SDHAF3: variants seen among roughly 807,000 people sequenced by gnomAD.
SDHAF3 encodes the protein succinate dehydrogenase complex assembly factor 3.
A neutral mutation model predicts 11.5 loss-of-function variants in SDHAF3; 18 were observed. The ratio of observed to expected loss-of-function variants is 1.56; its 90% CI spans 1.08 to 2.32. The LOEUF is 2.32. Among genes scored for constraint, SDHAF3 ranks in the 30% most tolerant of loss-of-function variants. SDHAF3 has a pLI of 0.00. For synonymous variants in SDHAF3, 72 were observed against 59.3 expected (o/e 1.21, Z -0.99); for missense variants, 200 against 154.4 (o/e 1.30, Z -1.57).
At chr7:97,165,800 C>T (rs1029479592) in intron 1 of SDHAF3, among the ~76,000 whole-genome samples, 1 of 152,158 alleles carries the variant, frequency 6.6e-6, no homozygotes, top group African/African-American at 2.4e-5. Flanking sequence ...CAGGTTTTAG[C>T]TGGTCAGTAC....
intron 1 of SDHAF3, among the ~76,000 whole-genome samples, chr7:97,149,031 G>A (rs529483880): frequency 6.6e-6 from 1 of 151,612 alleles, no homozygotes; most frequent in Non-Finnish European, 1.5e-5. Flanking sequence ...CCAGGCCAAA[G>A]TGATCCTCCC....
chr7:97,137,042 T>G (rs975017477), intron 1 of SDHAF3, among the ~76,000 whole-genome samples: 5 of 152,206 alleles, frequency 3.3e-5, no homozygotes, highest in Admixed American at 6.5e-5. Flanking sequence ...TTTTTGGTTG[T>G]TTGTTTTTCA....
rs117910751 is a variant in SDHAF3, at chr7:97,169,664, A to G, written c.175-11348A>G. On this transcript the variant is annotated intron_variant, in intron 1 of 1. Transcript: ENST00000432641. ...AATATAGAATTAACCTGCATTACAGATGAACAGGTAGTTAAAAATCTATTG... is the reference window on the plus strand; with the variant it reads ...AATATAGAATTAACCTGCATTACAGGTGAACAGGTAGTTAAAAATCTATTG... 4.8e-3 allele frequency among the ~76,000 whole-genome samples: 730 copies of G among 152,264 alleles called. 3 individuals are homozygous for G. Among genetic ancestry groups the G allele is most frequent in the Non-Finnish European group, 7.4e-3 (504 of 68,000 alleles).
At chr7:97,117,931 T>C (rs1791432806) in intron 1 of SDHAF3, 34 bp downstream of exon 1, 1 of 1,605,910 alleles carries the variant, frequency 6.2e-7, no homozygotes. Context: ...GCCCAAGACC[T>C]TTGGGGTTCC....
intron 1 of SDHAF3, among the ~76,000 whole-genome samples, chr7:97,180,198 T>C (rs1269923935): frequency 6.6e-6 from 1 of 152,198 alleles, no homozygotes; most frequent in African/African-American, 2.4e-5. Flanking sequence ...TTAAGAAGTT[T>C]TTCTCTAGTA....
intron 1 of SDHAF3, among the ~76,000 whole-genome samples, chr7:97,156,772 TAA>T (rs944834076): frequency 1.4e-5 from 2 of 147,330 alleles, no homozygotes; most frequent in East Asian, 2.0e-4. Flanking sequence ...TAAATATTAA[TAA>T]AAAAAATTTC....
intron 1 of SDHAF3, among the ~76,000 whole-genome samples, chr7:97,157,624 C>T (rs1232746856): frequency 1.3e-5 from 2 of 152,080 alleles, no homozygotes; most frequent in African/African-American, 4.8e-5. Flanking sequence ...TGGGTATATA[C>T]CCAAAGGATT....
intron 1 of SDHAF3, among the ~76,000 whole-genome samples, chr7:97,132,098 A>G (rs1295230594): frequency 6.6e-6 from 1 of 152,146 alleles, no homozygotes; most frequent in Non-Finnish European, 1.5e-5. Context: ...AATTATAAGA[A>G]AGTTATTAAG....
intron 1 of SDHAF3, among the ~76,000 whole-genome samples, chr7:97,164,556 A>T (rs190082850): frequency 6.6e-6 from 1 of 151,502 alleles, no homozygotes; most frequent in East Asian, 2.0e-4. Context: ...TTGTATTTTT[A>T]GTAGAGATGG....
chr7:97,164,834 A>G (rs566933992), intron 1 of SDHAF3, among the ~76,000 whole-genome samples: 44 of 152,302 alleles, frequency 2.9e-4, no homozygotes, highest in African/African-American at 9.6e-4. Flanking sequence ...CATAATTTCC[A>G]TAATTTGCAT....
intron 1 of SDHAF3, among the ~76,000 whole-genome samples, chr7:97,123,562 A>G (rs1316218848): frequency 6.6e-6 from 1 of 152,120 alleles, no homozygotes; most frequent in Non-Finnish European, 1.5e-5. Flanking sequence ...ATCCTTGAGG[A>G]ATTGCCACAC....
intron 1 of SDHAF3, among the ~76,000 whole-genome samples, chr7:97,156,736 G>A (rs868486572): frequency 3.3e-4 from 50 of 152,168 alleles, no homozygotes; most frequent in African/African-American, 1.1e-3. Flanking sequence ...ATGTTACACA[G>A]TCATGAGGAT....
chr7:97,132,069 A>T (rs1445899421), intron 1 of SDHAF3, among the ~76,000 whole-genome samples: 1 of 152,152 alleles, frequency 6.6e-6, no homozygotes, highest in Non-Finnish European at 1.5e-5. Context: ...TATCTGTAAA[A>T]ATCAGGTGTT....
At chr7:97,158,755 A>G (rs992653579) in intron 1 of SDHAF3, among the ~76,000 whole-genome samples, 7 of 152,196 alleles carry the variant, frequency 4.6e-5, no homozygotes, top group African/African-American at 1.7e-4. Flanking sequence ...ATGACCTTAA[A>G]CTGTGATAAA....
intron 1 of SDHAF3, among the ~76,000 whole-genome samples, chr7:97,173,954 T>C (rs1426136325): frequency 6.7e-6 from 1 of 149,088 alleles, no homozygotes; most frequent in Non-Finnish European, 1.5e-5. Context: ...AGAGTCTTGC[T>C]GTGTCACCAG....
chr7:97,128,896 G>A (rs1791620334), intron 1 of SDHAF3, among the ~76,000 whole-genome samples: 1 of 151,956 alleles, frequency 6.6e-6, no homozygotes, highest in Non-Finnish European at 1.5e-5. Flanking sequence ...TTTGAGATAG[G>A]ATCTTGCTCT....
chr7:97,152,139 C>T (rs2115694991), intron 1 of SDHAF3, among the ~76,000 whole-genome samples: 1 of 152,294 alleles, frequency 6.6e-6, no homozygotes, highest in East Asian at 1.9e-4. Context: ...GGTTCATCCC[C>T]CTCACCAACC....
At chr7:97,146,447 G>A (rs1789136258) in intron 1 of SDHAF3, among the ~76,000 whole-genome samples, 7 of 152,030 alleles carry the variant, frequency 4.6e-5, no homozygotes, top group Admixed American at 4.6e-4. Context: ...TATATTTGAA[G>A]GCAAAACACT....
At chr7:97,168,872 G>A (rs541162876) in intron 1 of SDHAF3, among the ~76,000 whole-genome samples, 2 of 152,136 alleles carry the variant, frequency 1.3e-5, no homozygotes, top group African/African-American at 2.4e-5. Context: ...TAGTGAGTAA[G>A]CTATCTTATT....
Sources: allele counts gnomAD v4.1 joint callset (sites outside exome capture counted in the v4.1 genomes callset), GRCh38; gene constraint gnomAD v4.1.1; transcripts MANE v1.5; gene names NCBI Gene and HGNC (gene_info 2026-07-23, HGNC 2026-07-21).